ENOX1: variants seen among roughly 807,000 people sequenced by gnomAD.
ENOX1 encodes candidate growth-related and time keeping constitutive hydroquinone (NADH) oxidase.
A neutral mutation model predicts 82.5 loss-of-function variants in ENOX1; 42 were observed. That is an observed-to-expected ratio of 0.51 (90% CI 0.40 to 0.66). ENOX1 has a LOEUF of 0.66. Ranked by LOEUF, ENOX1 falls within the 30% of genes least tolerant of loss-of-function variation. The probability of loss-of-function intolerance (pLI) is 0.00; values close to 1 mark genes in which losing one functional copy is unlikely to be tolerated. For synonymous variants in ENOX1, 271 were observed against 282.2 expected (o/e 0.96, Z 0.40); for missense variants, 608 against 811.6 (o/e 0.75, Z 3.05).
chr13:43,425,499 C>G (rs1007295050), intron 3 of ENOX1, among the ~76,000 whole-genome samples: 4 of 152,172 alleles, frequency 2.6e-5, no homozygotes, highest in Non-Finnish European at 4.4e-5. Context: ...AAGAATGCCA[C>G]ATAAAAATCC....
chr13:43,763,732 T>G (rs1951117751), intron 1 of ENOX1, among the ~76,000 whole-genome samples: 1 of 152,192 alleles, frequency 6.6e-6, no homozygotes, highest in Non-Finnish European at 1.5e-5. Flanking sequence ...TGTCCTATTA[T>G]CTTTCCATAG....
rs10492571 is a variant in ENOX1 at position 43,320,850 on chromosome 13, T to C, written c.1261+1534A>G. ...TTATTTCTTTATTTGAAGATCTTGT[T>C]GAACTTAAGAAATTCACACAAATCC... On this transcript the variant is annotated intron_variant, in intron 11 of 16. Coordinates refer to ENST00000690772, the MANE Select transcript of ENOX1 (RefSeq NM_001347969.2). Among the ~76,000 whole-genome samples, 303 of 152,366 alleles carry C rather than the reference T, an allele frequency of 2.0e-3. 5 individuals are homozygous for C. The East Asian group carries it at 0.026, about 13-fold the overall frequency.
chr13:43,764,995 A>C (rs1951187599), intron 1 of ENOX1, among the ~76,000 whole-genome samples: 2 of 152,230 alleles, frequency 1.3e-5, no homozygotes, highest in Non-Finnish European at 2.9e-5. Context: ...TCACGGGCAG[A>C]ACACTTAAAT....
intron 2 of ENOX1, among the ~76,000 whole-genome samples, chr13:43,501,996 G>A (rs2076998108): frequency 1.3e-5 from 2 of 151,234 alleles, no homozygotes; most frequent in Non-Finnish European, 3.0e-5. Flanking sequence ...TTCTTGCCCA[G>A]ACTAAGAAAA....
chr13:43,357,833 C>CTGGGCT (rs939155811), intron 7 of ENOX1, among the ~76,000 whole-genome samples: 21 of 152,184 alleles, frequency 1.4e-4, no homozygotes, highest in African/African-American at 4.8e-4. Context: ...GGCCTTCCAG[C>CTGGGCT]TGGGCTTGGG....
chr13:43,343,221 C>T (rs993612456), intron 9 of ENOX1, among the ~76,000 whole-genome samples: 1 of 152,198 alleles, frequency 6.6e-6, no homozygotes, highest in Admixed American at 6.5e-5. Context: ...ACCTTCCCTC[C>T]ATCCACTGAT....
intron 5 of ENOX1, among the ~76,000 whole-genome samples, chr13:43,392,238 G>A (rs1426742093): frequency 3.3e-5 from 5 of 152,128 alleles, no homozygotes; most frequent in Non-Finnish European, 5.9e-5. Flanking sequence ...CTAATGATAC[G>A]TTCATCAATC....
In ENOX1 at chr13:43,451,174, G is replaced by A. The variant is rs59279838; in HGVS notation, c.-75+32835C>T. Among the ~76,000 whole-genome samples the A allele has an allele frequency of 1.1e-3, 166 of 152,236 alleles. 3 individuals are homozygous for A. In the East Asian group the frequency reaches 0.03, roughly 27 times the overall value. On this transcript the variant is annotated intron_variant, in intron 3 of 16. Coordinates refer to ENST00000690772, the MANE Select transcript of ENOX1 (RefSeq NM_001347969.2). ...GGAAAGGGGAAGGACCTTACATACC[G>A]AGTCTTACCTTGGACCAGACGCTGC...
chr13:43,252,501 G>A (rs995141738), intron 14 of ENOX1, among the ~76,000 whole-genome samples: 1 of 152,122 alleles, frequency 6.6e-6, no homozygotes, highest in African/African-American at 2.4e-5. Context: ...TCTTCTTCAG[G>A]AAACTCTTGC....
At chr13:43,553,303 T>C (rs1268408447) in intron 2 of ENOX1, among the ~76,000 whole-genome samples, 3 of 152,206 alleles carry the variant, frequency 2.0e-5, no homozygotes, top group East Asian at 1.9e-4. Flanking sequence ...CTAAAGTTAA[T>C]AGTGAATGTA....
intron 10 of ENOX1, among the ~76,000 whole-genome samples, chr13:43,326,078 C>A (rs1007363196): frequency 6.6e-6 from 1 of 151,586 alleles, no homozygotes; most frequent in Non-Finnish European, 1.5e-5. Context: ...AAAAAAAAAA[C>A]CCTCTGTATT....
At chr13:43,511,252 A>G (rs4470050) in intron 2 of ENOX1, among the ~76,000 whole-genome samples, 29,394 of 152,034 alleles carry the variant, frequency 0.19, 3,323 homozygotes, top group East Asian at 0.32. Flanking sequence ...AAGTTTTTTA[A>G]AAGTTACTTG....
At chr13:43,530,810 A>G (rs183000237) in intron 2 of ENOX1, among the ~76,000 whole-genome samples, 1 of 152,252 alleles carries the variant, frequency 6.6e-6, no homozygotes, top group East Asian at 1.9e-4. Flanking sequence ...CCAGTTAATG[A>G]AAAATTACTG....
At chr13:43,429,896 A>G (rs1449903371) in intron 3 of ENOX1, among the ~76,000 whole-genome samples, 4 of 152,256 alleles carry the variant, frequency 2.6e-5, no homozygotes, top group African/African-American at 9.6e-5. Context: ...TAATACAATT[A>G]CTGCACACTT....
intron 9 of ENOX1, among the ~76,000 whole-genome samples, chr13:43,337,563 G>A (rs909588949): frequency 6.6e-6 from 1 of 152,080 alleles, no homozygotes; most frequent in African/African-American, 2.4e-5. Flanking sequence ...AATAGTTCAG[G>A]CAAAGGAAAC....
chr13:43,559,982 C>T lies in ENOX1; in HGVS notation c.-218-75830G>A, dbSNP rs75054581. ...CAAGAACTGTTGGCTTCCCTCCAAC[C>T]ATAGTCCCACTTGCTAGAGATAATA... On this transcript the variant is annotated intron_variant, in intron 2 of 16. Coordinates refer to ENST00000690772, the MANE Select transcript of ENOX1 (RefSeq NM_001347969.2). 7.5e-3 allele frequency among the ~76,000 whole-genome samples: 1,145 copies of T among 152,228 alleles called. 12 individuals are homozygous for T. Among genetic ancestry groups the T allele is most frequent in the African/African-American group, 0.026 (1,073 of 41,536 alleles).
At chr13:43,614,009 G>C (rs951284347) in intron 2 of ENOX1, among the ~76,000 whole-genome samples, 2 of 152,102 alleles carry the variant, frequency 1.3e-5, no homozygotes, top group Non-Finnish European at 2.9e-5. Flanking sequence ...AAAAATAAAA[G>C]TGTCAGCTGT....
At chr13:43,626,462 C>A (rs187889584) in intron 2 of ENOX1, among the ~76,000 whole-genome samples, 1 of 151,622 alleles carries the variant, frequency 6.6e-6, no homozygotes. Context: ...ATAAATTTCC[C>A]TCTCATCACT....
chr13:43,462,402 A>G (rs943425177), intron 3 of ENOX1, among the ~76,000 whole-genome samples: 1 of 152,220 alleles, frequency 6.6e-6, no homozygotes, highest in Non-Finnish European at 1.5e-5. Flanking sequence ...CAACTCAGGA[A>G]GTCAGTTGGC....
Sources: gnomAD v4.1 joint callset for allele counts (sites outside exome capture counted in the v4.1 genomes callset) on GRCh38, gnomAD v4.1.1 for gene constraint, MANE v1.5 for transcripts, NCBI Gene and HGNC (gene_info 2026-07-23, HGNC 2026-07-21) for gene names.